The following GTF2B variants were observed in gnomAD, a reference collection of about 807,000 sequenced individuals.
GTF2B encodes transcription initiation factor IIB.
A neutral mutation model predicts 34.6 loss-of-function variants in GTF2B; 20 were observed. That is an observed-to-expected ratio of 0.58 (90% CI 0.41 to 0.84). GTF2B has a LOEUF of 0.84. Among genes scored for constraint, GTF2B ranks in the 40% least tolerant of loss-of-function variants. The pLI is 0.00. For missense variants in GTF2B, 237 were observed against 393.3 expected (o/e 0.60, Z 3.36); for synonymous variants, 142 against 132.4 (o/e 1.07, Z -0.50).
intron 2 of GTF2B, among the ~76,000 whole-genome samples, chr1:88,886,851 T>C (rs572246829): frequency 1.3e-5 from 2 of 152,238 alleles, no homozygotes; most frequent in East Asian, 3.9e-4. Flanking sequence ...GGGAAGAAAG[T>C]CAAAAATGTG....
At chr1:88,878,956 G>C (rs1422803175) in intron 2 of GTF2B, among the ~76,000 whole-genome samples, 1 of 152,160 alleles carries the variant, frequency 6.6e-6, no homozygotes. Context: ...GGCCCAGCCG[G>C]TGCCAACTGC....
At chr1:88,873,336 C>CGCA (rs1673743465) in intron 2 of GTF2B, among the ~76,000 whole-genome samples, 2 of 151,858 alleles carry the variant, frequency 1.3e-5, no homozygotes, top group Admixed American at 1.3e-4. Context: ...ATAACAGGCG[C>CGCA]GCACCACCAC....
rs916166183 is a variant in GTF2B at position 88,891,563 on chromosome 1, G to A, written c.-64C>T. On this transcript the variant is annotated 5_prime_UTR_variant, in exon 1 of 7. Transcript: ENST00000370500. ...GACACACCGAAAGCAGGAAGCGAAT[G>A]TGGCGAAGAGACGCGCAGAGATGAG... is the stretch of plus-strand genomic sequence containing the variant. 8 of 1,455,846 alleles carry A rather than the reference G, an allele frequency of 5.5e-6. No homozygotes were observed. The Middle Eastern group carries it at 5.2e-4, about 94-fold the overall frequency. The allele number at this position is 1,455,846 out of a possible 1,614,324, so 90.2% of individuals were successfully genotyped here.
chr1:88,868,829 G>A (rs1374598559), intron 2 of GTF2B, among the ~76,000 whole-genome samples: 2 of 151,984 alleles, frequency 1.3e-5, no homozygotes, highest in East Asian at 3.9e-4. Flanking sequence ...TCCGCCTCCT[G>A]GGTTCATGCC....
intron 5 of GTF2B, among the ~76,000 whole-genome samples, chr1:88,858,496 C>T (rs564922648): frequency 3.9e-5 from 6 of 152,082 alleles, no homozygotes; most frequent in Non-Finnish European, 5.9e-5. Context: ...GAAATCCCTG[C>T]GATTATGGGC....
intron 6 of GTF2B, among the ~76,000 whole-genome samples, chr1:88,855,616 G>T (rs1407799208): frequency 6.6e-6 from 1 of 152,014 alleles, no homozygotes; most frequent in Non-Finnish European, 1.5e-5. Flanking sequence ...GCCTCCCAAA[G>T]TGCTGGGATT....
chr1:88,864,057 G>C lies in GTF2B; in HGVS notation c.182C>G (p.Thr61Arg), dbSNP rs1402111568. The change falls in exon 3 of 7, where the codon ACA becomes AGA. Residue 61 changes from threonine to arginine, a missense_variant. Thr to Arg is a moderately conservative substitution (Grantham distance 71). Around this residue, in one of 3 missense-constraint regions of GTF2B, gnomAD observed 130 missense variants for 170.9 expected, o/e 0.76. Transcript: ENST00000370500. ...EWRTFSNDKA[T>R]KDPSRVGDSQ... is the part of the protein sequence containing the mutation. ...ATCTCCAACTCGAGATGGATCTTTT[G>C]TTGCTTTGTCATTGCTGAAAGTTCG... is the stretch of plus-strand genomic sequence containing the variant. The C allele has an allele frequency of 6.2e-7, 1 of 1,613,500 alleles. No homozygotes were observed. The highest frequency in any genetic ancestry group is 8.5e-7 in the Non-Finnish European group (1 of 1,179,422).
At position 88,853,244 on chromosome 1, in the gene GTF2B, T is replaced by C; in HGVS notation, c.920A>G (p.Asp307Gly). The stretch of plus-strand genomic sequence containing the variant: ...CTGTGGTAGTTTGTCCACTGGGGTG[T>C]CAAATTTGAAGTCTGTAGGAAACAG... ...PDLFPTDFKFDTPVDKLPQL is the reference protein window; with the variant it reads ...PDLFPTDFKFGTPVDKLPQL The change falls in exon 7 of 7, where the codon GAC becomes GGC. Residue 307 changes from aspartate to glycine, a missense_variant. Transcript: ENST00000370500. The C allele has an allele frequency of 1.9e-6, 3 of 1,613,720 alleles. No individual in the cohort carries two copies. The highest frequency in any genetic ancestry group is 2.5e-6 in the Non-Finnish European group (3 of 1,179,644).
chr1:88,865,828 G>C (rs1350625342), intron 2 of GTF2B, among the ~76,000 whole-genome samples: 1 of 148,354 alleles, frequency 6.7e-6, no homozygotes, highest in Admixed American at 6.7e-5. Flanking sequence ...TAACAAGAGT[G>C]AAACTCCATC....
intron 3 of GTF2B, 48 bp downstream of exon 3, chr1:88,863,933 T>C: frequency 6.3e-7 from 1 of 1,582,312 alleles, no homozygotes; most frequent in East Asian, 2.2e-5. Context: ...AACTCTCAGG[T>C]CTATGGTCAC....
chr1:88,860,077 G>A, intron 4 of GTF2B, 63 bp downstream of exon 4: 1 of 1,609,988 alleles, frequency 6.2e-7, no homozygotes. Context: ...AAAATTTCAT[G>A]TGTTCATTAA....
At chr1:88,863,469 G>A (rs934088976) in intron 3 of GTF2B, among the ~76,000 whole-genome samples, 3 of 152,090 alleles carry the variant, frequency 2.0e-5, no homozygotes, top group East Asian at 1.9e-4. Context: ...TCAGCCTCGC[G>A]AGTAAGCTGG....
At position 88,889,689 on chromosome 1, in the gene GTF2B, A is replaced by G. The variant is rs564259013; in HGVS notation, c.17+1794T>C. Among the ~76,000 whole-genome samples the G allele has an allele frequency of 5.3e-5, 8 of 152,322 alleles. No individual in the cohort carries two copies. In the South Asian group the frequency reaches 1.7e-3, roughly 32 times the overall value. On this transcript the variant is annotated intron_variant, in intron 1 of 6. Coordinates refer to ENST00000370500, the MANE Select transcript of GTF2B (RefSeq NM_001514.6). ...GCCAGTTTCATGGCCTAGTGACAAT[A>G]CACCTTCCTGAGGGAAAAACATGCA...
intron 2 of GTF2B, among the ~76,000 whole-genome samples, chr1:88,879,489 C>T (rs1426232977): frequency 6.6e-6 from 1 of 151,002 alleles, no homozygotes; most frequent in Non-Finnish European, 1.5e-5. Context: ...GAGGCTGAGG[C>T]ACGAGAATCG....
chr1:88,857,121 T>G (rs1479682937), intron 6 of GTF2B, 85 bp downstream of exon 6: 1 of 1,276,174 alleles, frequency 7.8e-7, no homozygotes, highest in East Asian at 2.3e-5. Context: ...TTCTTGCTAT[T>G]TACCCGGTTC....
intron 2 of GTF2B, among the ~76,000 whole-genome samples, chr1:88,885,074 T>C (rs1310860764): frequency 1.3e-5 from 2 of 152,248 alleles, no homozygotes; most frequent in African/African-American, 4.8e-5. Flanking sequence ...TACTAAGCTC[T>C]GCTGTTGTAA....
chr1:88,882,707 C>T (rs1349802853), intron 2 of GTF2B, among the ~76,000 whole-genome samples: 1 of 152,154 alleles, frequency 6.6e-6, no homozygotes, highest in Non-Finnish European at 1.5e-5. Flanking sequence ...ATGTATTTCA[C>T]TTTCTTTTCG....
chr1:88,863,950 A>G (rs1475653057), intron 3 of GTF2B, 31 bp downstream of exon 3: 1 of 1,606,936 alleles, frequency 6.2e-7, no homozygotes, highest in East Asian at 2.2e-5. Flanking sequence ...TCACTCTGCA[A>G]TTGGTATTTC....
intron 2 of GTF2B, among the ~76,000 whole-genome samples, chr1:88,867,949 T>C (rs1188489691): frequency 6.6e-6 from 1 of 152,198 alleles, no homozygotes; most frequent in Non-Finnish European, 1.5e-5. Context: ...CCTCTTTTTA[T>C]ATTTAACTAC....
Sources: allele counts gnomAD v4.1 joint callset (sites outside exome capture counted in the v4.1 genomes callset), GRCh38; gene constraint gnomAD v4.1.1; regional missense constraint gnomAD v4.1.1; transcripts MANE v1.5; gene names NCBI Gene and HGNC (gene_info 2026-07-23, HGNC 2026-07-21).